PTPRS: variants seen among roughly 807,000 people sequenced by gnomAD.
PTPRS encodes protein tyrosine phosphatase receptor type S.
In PTPRS, 63 loss-of-function variants were observed where a neutral mutation model predicts 215.3. The observed-to-expected ratio is 0.29, with a 90% CI of 0.24 to 0.36. The LOEUF (loss-of-function observed/expected upper bound fraction) is 0.36. Ranked by LOEUF, PTPRS falls within the 10% of genes least tolerant of loss-of-function variation. The pLI, the probability that PTPRS is intolerant of heterozygous loss-of-function variation, is 1.00. For missense variants in PTPRS, 2,258 were observed against 2,825.8 expected (o/e 0.80, Z 4.56); for synonymous variants, 1,404 against 1,191.4 (o/e 1.18, Z -3.68).
chr19:5,253,425 T>G (rs1568486965), intron 9 of PTPRS, among the ~76,000 whole-genome samples: 1 of 152,214 alleles, frequency 6.6e-6, no homozygotes, highest in South Asian at 2.1e-4. Context: ...ATGTAAATAC[T>G]TGTAGCTTTC....
chr19:5,218,732 T>C, intron 24 of PTPRS, 55 bp downstream of exon 24: 5 of 1,599,496 alleles, frequency 3.1e-6, no homozygotes, highest in Non-Finnish European at 4.3e-6. Flanking sequence ...TATCAGCCCA[T>C]TCCCTGTCCT....
chr19:5,267,171 T>C (rs1213457649), intron 4 of PTPRS, among the ~76,000 whole-genome samples: 3 of 142,716 alleles, frequency 2.1e-5, no homozygotes, highest in Non-Finnish European at 4.6e-5. Flanking sequence ...GGTGAGGTTC[T>C]GGCTCCCCTC....
chr19:5,215,110 A>G (rs927051950), intron 28 of PTPRS, among the ~76,000 whole-genome samples, 179 bp downstream of exon 28: 1 of 152,260 alleles, frequency 6.6e-6, no homozygotes, highest in Non-Finnish European at 1.5e-5. Flanking sequence ...AGATGAAGCC[A>G]TGTTAGAGAG....
At position 5,212,212 on chromosome 19, in the gene PTPRS, T is replaced by C. The variant is rs2040964014; in HGVS notation, c.4808A>G (p.Asp1603Gly). The C allele has an allele frequency of 3.1e-6, 5 of 1,613,296 alleles. No homozygotes were observed. The highest frequency in any genetic ancestry group is 4.2e-6 in the Non-Finnish European group (5 of 1,179,776). Residue 1603 changes from aspartate to glycine, a missense_variant, in exon 32 of 38, where the codon GAC (aspartate) becomes GGC (glycine). Asp to Gly is a moderately conservative substitution (Grantham distance 94). Transcript: ENST00000262963. ...TGGCTTGATCCGCTCAAGCATGGCG[T>C]CGATGACGATAAAGCAGCCTGTGCG... ...VGRTGCFIVIDAMLERIKPEK... is the reference protein window; with the variant it reads ...VGRTGCFIVIGAMLERIKPEK...
At chr19:5,220,192 T>G (rs536641504) in intron 21 of PTPRS, 38 bp from the exon 22 acceptor site, 34 of 1,609,172 alleles carry the variant, frequency 2.1e-5, no homozygotes, top group Admixed American at 6.7e-5. Flanking sequence ...AGAGCTCAGC[T>G]GGGAGCAACA....
chr19:5,273,735 G>T, intron 3 of PTPRS, 152 bp from the exon 4 acceptor site: 1 of 958,436 alleles, frequency 1.0e-6, no homozygotes, highest in Non-Finnish European at 1.5e-6. Context: ...GAATGTGCAC[G>T]TGTGTCGGTG....
intron 9 of PTPRS, 83 bp downstream of exon 9, chr19:5,256,025 A>T: frequency 8.1e-7 from 1 of 1,239,892 alleles, no homozygotes; most frequent in Non-Finnish European, 1.1e-6. Context: ...TGTGGTGTCT[A>T]CATGTGTTTT....
At chr19:5,337,106 T>C (rs574925175) in intron 1 of PTPRS, among the ~76,000 whole-genome samples, 32 of 152,270 alleles carry the variant, frequency 2.1e-4, no homozygotes, top group African/African-American at 7.7e-4. Flanking sequence ...CATCTCAAGA[T>C]CTTCCCGTGG....
In PTPRS at chr19:5,260,517, C is replaced by T. The variant is rs142961644; in HGVS notation, c.595+288G>A. ...TTAGAGGTGGCTAAACCACATGGGG[C>T]TCCCAGCACTCTGGGGGTCTTGCCA... On this transcript the variant is annotated intron_variant, in intron 7 of 37. Coordinates refer to ENST00000262963, the MANE Select transcript of PTPRS (RefSeq NM_002850.4). Among the ~76,000 whole-genome samples the T allele has an allele frequency of 4.5e-3, 689 of 152,334 alleles. 4 individuals carry two copies. The highest frequency in any genetic ancestry group is 0.015 in the African/African-American group (624 of 41,582).
At chr19:5,305,970 A>AAAAAAAAT in intron 1 of PTPRS, among the ~76,000 whole-genome samples, 1 of 140,384 alleles carries the variant, frequency 7.1e-6, no homozygotes, top group Non-Finnish European at 1.6e-5. Flanking sequence ...AAAAAAAAAA[A>AAAAAAAAT]GGGCGAATTC....
In PTPRS at chr19:5,229,350, C is replaced by T; in HGVS notation, c.2350-8G>A. On this transcript the variant is annotated splice_region_variant and splice_polypyrimidine_tract_variant and intron_variant, in intron 15 of 37. Transcript: ENST00000262963. ...CGTGTCATCCGTCTCCCACTGAGCG[C>T]GGGAGGAGGCGGCAGGGGAGAGAGG... 1 of 1,378,044 alleles carries T rather than the reference C, an allele frequency of 7.3e-7. No individual in the cohort carries two copies. The highest frequency in any genetic ancestry group is 9.4e-7 in the Non-Finnish European group (1 of 1,060,864). The allele number at this position is 1,378,044 out of a possible 1,614,324, so 85.4% of individuals were successfully genotyped here.
intron 1 of PTPRS, among the ~76,000 whole-genome samples, chr19:5,297,791 CTTTT>C (rs373472522): frequency 4.6e-5 from 6 of 131,366 alleles, no homozygotes; most frequent in African/African-American, 1.4e-4. Context: ...CTTTTCTTTT[CTTTT>C]TTTTTTTTTT....
intron 2 of PTPRS, among the ~76,000 whole-genome samples, chr19:5,278,603 A>G (rs535201420): frequency 2.6e-5 from 4 of 151,816 alleles, no homozygotes; most frequent in Admixed American, 2.0e-4. Context: ...TCAGCCGCCC[A>G]AGTAGCTGGG....
rs1197033185 is a variant in PTPRS at position 5,234,939 on chromosome 19, CTTTCT to C, written c.1850-3329_1850-3325del. 6.2e-3 allele frequency among the ~76,000 whole-genome samples: 897 copies of C among 144,678 alleles called. 7 individuals carry two copies. The highest frequency in any genetic ancestry group is 0.023 in the African/African-American group (847 of 36,222). The allele number at this position is 144,678 out of a possible 152,430, so 94.9% of individuals were successfully genotyped here. ...GAATGTTAATAGTTTTCATTTCTTTCTTTCTTTTTTTTTTTTTTTTTGAGACAGTC... is the reference window on the plus strand; with the variant it reads ...GAATGTTAATAGTTTTCATTTCTTTCTTTTTTTTTTTTTTTTGAGACAGTC... On this transcript the variant is annotated intron_variant, in intron 13 of 37. Transcript: ENST00000262963.
intron 4 of PTPRS, chr19:5,273,039 C>G: frequency 3.8e-6 from 1 of 266,602 alleles, no homozygotes; most frequent in Non-Finnish European, 7.4e-6. Flanking sequence ...GGAAACAAAG[C>G]CAAGAGACAG....
intron 18 of PTPRS, 97 bp from the exon 19 acceptor site, chr19:5,222,317 A>G: frequency 1.9e-6 from 2 of 1,026,524 alleles, no homozygotes; most frequent in Non-Finnish European, 3.0e-6. Flanking sequence ...GGGGCGGCCC[A>G]GGCGCTCCCT....
rs201444759 is a variant in PTPRS, at chr19:5,208,425, T to G, written c.5488-34A>C. On this transcript the variant is annotated intron_variant, in intron 35 of 37. Coordinates refer to ENST00000262963, the MANE Select transcript of PTPRS (RefSeq NM_002850.4). ...CAGAGAGCCCAATCTTGTTATCAGGTCAGCAGCGGCCATGGGGGTTTTTCT... is the reference window on the plus strand; with the variant it reads ...CAGAGAGCCCAATCTTGTTATCAGGGCAGCAGCGGCCATGGGGGTTTTTCT... 3,102 of 1,506,180 alleles carry G rather than the reference T, an allele frequency of 2.1e-3. 8 individuals are homozygous for G. The highest frequency in any genetic ancestry group is 1.0e-2 in the Middle Eastern group (56 of 5,608). The allele number at this position is 1,506,180 out of a possible 1,614,324, so 93.3% of individuals were successfully genotyped here. A position where few individuals can be genotyped will look rare whatever the true frequency, so the allele number is the denominator to read the frequency against.
intron 6 of PTPRS, among the ~76,000 whole-genome samples, chr19:5,262,646 GA>G (rs1385251889): frequency 6.6e-6 from 1 of 152,206 alleles, no homozygotes; most frequent in Non-Finnish European, 1.5e-5. Flanking sequence ...CCATGAGCCC[GA>G]GGATGCCTCT....
intron 25 of PTPRS, among the ~76,000 whole-genome samples, chr19:5,217,055 G>A (rs925172754): frequency 2.4e-4 from 36 of 152,212 alleles, no homozygotes; most frequent in Admixed American, 6.5e-5. Context: ...GACCAGCCTG[G>A]CCTTGGGTCC....
Sources: gnomAD v4.1 joint callset for allele counts (sites outside exome capture counted in the v4.1 genomes callset) on GRCh38, gnomAD v4.1.1 for gene constraint, MANE v1.5 for transcripts, NCBI Gene and HGNC (gene_info 2026-07-23, HGNC 2026-07-21) for gene names.